Variants in USP46 observed in about 807,000 individuals in gnomAD.
USP46 encodes the protein ubiquitin specific peptidase 46.
Under a neutral mutation model 44.4 loss-of-function variants are expected in USP46, and 12 were observed. That is an observed-to-expected ratio of 0.27 (90% confidence interval 0.17 to 0.44). The LOEUF is 0.44. USP46 is among the 20% of genes least tolerant of loss of function. The probability of loss-of-function intolerance (pLI) is 1.00; values close to 1 mark genes in which losing one functional copy is unlikely to be tolerated. For synonymous variants in USP46, 155 were observed against 161.5 expected, an observed-to-expected ratio of 0.96 and a Z score of 0.31; for missense variants, 248 against 444.8, an observed-to-expected ratio of 0.56 and a Z score of 3.98.
chr4:52,627,498 G>A (rs1258246375), intron 3 of USP46, among the ~76,000 whole-genome samples: 1 of 152,160 alleles, frequency 6.6e-6, no homozygotes. Context: ...AATTACCTCA[G>A]GCAAATGAAA....
intron 1 of USP46, among the ~76,000 whole-genome samples, chr4:52,652,535 T>C (rs564591308): frequency 3.7e-4 from 57 of 152,314 alleles, no homozygotes; most frequent in African/African-American, 1.3e-3. Context: ...CATATTTATA[T>C]AATGGAATGT....
intron 5 of USP46, 56 bp downstream of exon 5, chr4:52,610,485 C>G: frequency 6.8e-7 from 1 of 1,468,498 alleles, no homozygotes. Context: ...AGGATTTTCT[C>G]TCCCACTTAG....
In USP46 at chr4:52,628,061, CCTT is replaced by C. The variant is rs747662206; in HGVS notation, c.217_219del (p.Lys73del). 4 of 1,613,852 alleles carry C rather than the reference CCTT, an allele frequency of 2.5e-6. No homozygotes were observed. The highest frequency in any genetic ancestry group is 3.4e-6 in the Non-Finnish European group (4 of 1,179,882). ...TCCGCCAGGCACGTCAGCAAGTTTT[CCTT>C]CTTCTTTTGCTGGGCCTTGTATGCC... On this transcript the variant is annotated inframe_deletion, in exon 3 of 9. Transcript: ENST00000441222.
At chr4:52,655,869 T>C (rs553157513) in intron 1 of USP46, among the ~76,000 whole-genome samples, 27 of 152,262 alleles carry the variant, frequency 1.8e-4, no homozygotes, top group African/African-American at 6.5e-4. Context: ...ACAATAAAAC[T>C]TCAGCAAGTG....
chr4:52,608,450 C>G (rs1716788698), intron 5 of USP46, among the ~76,000 whole-genome samples: 1 of 152,230 alleles, frequency 6.6e-6, no homozygotes, highest in Admixed American at 6.5e-5. Context: ...TATGGCTGGC[C>G]ATGGGGCTCT....
intron 4 of USP46, among the ~76,000 whole-genome samples, chr4:52,625,456 C>T (rs1281080227): frequency 6.6e-6 from 1 of 152,136 alleles, no homozygotes; most frequent in Non-Finnish European, 1.5e-5. Flanking sequence ...CTGAATCATG[C>T]TCTGGAGAAC....
chr4:52,633,014 G>GAA, intron 1 of USP46, among the ~76,000 whole-genome samples: 16 of 138,308 alleles, frequency 1.2e-4, no homozygotes, highest in Admixed American at 5.7e-4. Flanking sequence ...AAGAAAGAAA[G>GAA]AAAGAAAGAA....
intron 1 of USP46, among the ~76,000 whole-genome samples, chr4:52,644,689 C>A (rs1262205679): frequency 2.7e-5 from 4 of 150,666 alleles, no homozygotes; most frequent in African/African-American, 9.8e-5. Flanking sequence ...CAAAACCTGT[C>A]CCTGGTGCCA....
At chr4:52,637,255 C>G (rs4864671) in intron 1 of USP46, among the ~76,000 whole-genome samples, 1 of 152,062 alleles carries the variant, frequency 6.6e-6, no homozygotes, top group Non-Finnish European at 1.5e-5. Context: ...CTGGCTTTTT[C>G]CAAGGGCTGT....
intron 1 of USP46, among the ~76,000 whole-genome samples, chr4:52,653,053 T>C (rs1718825838): frequency 6.6e-6 from 1 of 152,138 alleles, no homozygotes; most frequent in Non-Finnish European, 1.5e-5. Flanking sequence ...ACCATGATCT[T>C]AAAACTATCC....
intron 1 of USP46, chr4:52,656,362 A>G: frequency 1.5e-6 from 2 of 1,351,312 alleles, no homozygotes; most frequent in Non-Finnish European, 2.0e-6. Flanking sequence ...CGTCTGATCC[A>G]GTGAAAAGAC....
At chr4:52,633,475 C>A (rs867040067) in intron 1 of USP46, among the ~76,000 whole-genome samples, 1 of 152,216 alleles carries the variant, frequency 6.6e-6, no homozygotes, top group East Asian at 1.9e-4. Flanking sequence ...TATGGTAGGA[C>A]TTTTTGGTAT....
chr4:52,615,701 G>A (rs1717105958), intron 4 of USP46, among the ~76,000 whole-genome samples: 1 of 152,116 alleles, frequency 6.6e-6, no homozygotes, highest in African/African-American at 2.4e-5. Context: ...ACAAAAAGTA[G>A]ATTAGTAGTG....
intron 1 of USP46, among the ~76,000 whole-genome samples, chr4:52,644,194 G>A (rs751266297): frequency 4.6e-5 from 7 of 152,302 alleles, no homozygotes; most frequent in Admixed American, 3.9e-4. Flanking sequence ...AGGAAATGAG[G>A]TTAACTAACT....
At chr4:52,604,391 T>G in intron 6 of USP46, 110 bp downstream of exon 6, 1 of 856,282 alleles carries the variant, frequency 1.2e-6, no homozygotes. Flanking sequence ...CAAGGCTCCA[T>G]GGCTACAAGC....
chr4:52,635,646 G>A (rs1407216071), intron 1 of USP46, among the ~76,000 whole-genome samples: 1 of 152,098 alleles, frequency 6.6e-6, no homozygotes, highest in Non-Finnish European at 1.5e-5. Flanking sequence ...TCTTGTCCAA[G>A]GGCAATCTCT....
At chr4:52,603,836 C>T (rs1305934774) in intron 6 of USP46, among the ~76,000 whole-genome samples, 1 of 152,128 alleles carries the variant, frequency 6.6e-6, no homozygotes, top group African/African-American at 2.4e-5. Context: ...AGGCACCTGG[C>T]ACCATGCCCA....
intron 2 of USP46, among the ~76,000 whole-genome samples, chr4:52,628,597 G>C (rs544157827): frequency 6.6e-6 from 1 of 152,276 alleles, no homozygotes; most frequent in South Asian, 2.1e-4. Context: ...GAATCAAAAA[G>C]AAATCCAGTA....
intron 4 of USP46, among the ~76,000 whole-genome samples, chr4:52,613,848 G>A (rs555104458): frequency 3.9e-4 from 59 of 152,150 alleles, no homozygotes; most frequent in Admixed American, 8.5e-4. Flanking sequence ...CTAAGACATT[G>A]TTAAAAGAAA....
Sources: allele counts gnomAD v4.1 joint callset (sites outside exome capture counted in the v4.1 genomes callset), GRCh38; gene constraint gnomAD v4.1.1; transcripts MANE v1.5; gene names NCBI Gene and HGNC (gene_info 2026-07-23, HGNC 2026-07-21).